FLT4: variants seen among roughly 807,000 people sequenced by gnomAD.
The protein encoded by FLT4 is vascular endothelial growth factor receptor 3.
A neutral mutation model predicts 163.2 loss-of-function variants in FLT4; 30 were observed. That is an observed-to-expected ratio of 0.18 (90% confidence interval 0.14 to 0.25). The LOEUF is 0.25. Ranked by LOEUF, FLT4 falls within the 10% of genes least tolerant of loss-of-function variation. FLT4 has a pLI of 1.00. For synonymous variants in FLT4, 884 were observed against 789.5 expected (o/e 1.12, Z -2.01); for missense variants, 1,510 against 1,863.8 (o/e 0.81, Z 3.50).
intron 29 of FLT4, chr5:180,608,126 C>A (rs1189297425): frequency 2.9e-6 from 2 of 700,472 alleles, no homozygotes; most frequent in Non-Finnish European, 5.2e-6. Context: ...CACTCCTTGT[C>A]CACTTTCATG....
intron 1 of FLT4, among the ~76,000 whole-genome samples, chr5:180,643,747 C>T (rs760451475): frequency 2.0e-5 from 3 of 152,114 alleles, no homozygotes; most frequent in Non-Finnish European, 2.9e-5. Context: ...CAGCGTCTCA[C>T]ACCGAGGCTC....
At chr5:180,608,545 C>T (rs1270000704) in intron 29 of FLT4, among the ~76,000 whole-genome samples, 1 of 152,176 alleles carries the variant, frequency 6.6e-6, no homozygotes, top group African/African-American at 2.4e-5. Flanking sequence ...CCCGCTAAGC[C>T]CCACAGGGCC....
chr5:180,611,938 G>C (rs1039682295), intron 26 of FLT4, among the ~76,000 whole-genome samples: 1 of 152,104 alleles, frequency 6.6e-6, no homozygotes, highest in Non-Finnish European at 1.5e-5. Context: ...CAGGAACTGG[G>C]GCCAGCACTC....
chr5:180,623,946 C>G lies in FLT4; in HGVS notation c.1537G>C (p.Gly513Arg). 1 of 1,613,628 alleles carries G rather than the reference C, an allele frequency of 6.2e-7. No homozygotes were observed. Among genetic ancestry groups the G allele is most frequent in the Middle Eastern group, 1.6e-4 (1 of 6,062 alleles). Reference protein sequence around the residue: ...SLDTWTEFVEGKNKTVSKLVI... With the variant: ...SLDTWTEFVERKNKTVSKLVI... ...CGGCTGGCCTGTACCTTATTCTTTC[C>G]CTCCACAAACTCGGTCCAGGTGTCC... is the stretch of plus-strand genomic sequence containing the variant. Residue 513 changes from glycine (G) to arginine (R), a missense_variant, in exon 11 of 30, where the codon GGA becomes CGA. Gly to Arg is a moderately radical substitution (Grantham distance 125). This residue lies in a region of FLT4 where 878 missense variants were observed against 1,016.7 expected (regional missense o/e 0.86). Coordinates refer to ENST00000261937, the MANE Select transcript of FLT4 (RefSeq NM_182925.5). The surrounding 1 kb of genome is among the most constrained non-coding windows in gnomAD (Gnocchi z 5.8).
Position 180,623,223 on chromosome 5 carries a change from G to C in FLT4, c.1549-384C>G, listed in dbSNP as rs1763310681. Among the ~76,000 whole-genome samples the C allele has an allele frequency of 6.6e-6, 1 of 152,160 alleles. No individual in the cohort carries two copies. ...TCACAGCAAAAGCCAGTCACTTCTG[G>C]ATGGGGTCAGGCCCAATCCAGTCGC... On this transcript the variant is annotated intron_variant, in intron 11 of 29. Transcript: ENST00000261937. The surrounding 1 kb of genome is among the most constrained non-coding windows in gnomAD (Gnocchi z 5.8).
chr5:180,623,900 C>A lies in FLT4; in HGVS notation c.1548+35G>T. 6 of 1,612,840 alleles carry A rather than the reference C, an allele frequency of 3.7e-6. No individual in the cohort carries two copies. Among genetic ancestry groups the A allele is most frequent in the Non-Finnish European group, 5.1e-6 (6 of 1,179,548 alleles). On this transcript the variant is annotated intron_variant, in intron 11 of 29. Transcript: ENST00000261937. The surrounding 1 kb of genome is among the most constrained non-coding windows in gnomAD (Gnocchi z 5.8). ...GGCCTCTCTCTCCTCCCTTCTCCTTCTCCCTGGGCACTCAGCAGCGCGGCT... is the reference window on the plus strand; with the variant it reads ...GGCCTCTCTCTCCTCCCTTCTCCTTATCCCTGGGCACTCAGCAGCGCGGCT...
intron 1 of FLT4, among the ~76,000 whole-genome samples, chr5:180,638,941 C>A (rs1764887111): frequency 6.7e-6 from 1 of 149,802 alleles, no homozygotes; most frequent in Admixed American, 6.9e-5. Flanking sequence ...ATGCTTCCCA[C>A]AGCACCTGGC....
In FLT4 at chr5:180,621,669, C is replaced by T. The variant is rs1342889809; in HGVS notation, c.1893G>A (p.Ala631=). 1.2e-6 allele frequency: 2 copies of T among 1,610,112 alleles called. No homozygotes were observed. Among genetic ancestry groups the T allele is most frequent in the East Asian group, 2.2e-5 (1 of 44,798 alleles). The change falls in exon 13 of 30, where the codon GCG becomes GCA. Residue 631 remains alanine, a synonymous_variant. Coordinates refer to ENST00000261937, the MANE Select transcript of FLT4 (RefSeq NM_182925.5). ...TACTCAGGCTGAGCGTGGCGTGGCG[C>T]GCCCCAGGTGCCACCTCCTCCAGGC... The part of the protein sequence containing the change: ...AASLEEVAPG[A]RHATLSLSIP...
chr5:180,602,555 G>C lies in FLT4; in HGVS notation c.*637C>G. ...TCAACACCCAGGCGCAGGTGTGCGG[G>C]CTGCCTCTGTGTTGCCAGCGTATAA... On this transcript the variant is annotated 3_prime_UTR_variant, in exon 30 of 30. Coordinates refer to ENST00000261937, the MANE Select transcript of FLT4 (RefSeq NM_182925.5). 2.5e-6 allele frequency: 1 copy of C among 400,016 alleles called. No homozygotes were observed. Among genetic ancestry groups the C allele is most frequent in the Non-Finnish European group, 4.4e-6 (1 of 226,936 alleles). The allele number at this position is 400,016 out of a possible 1,614,324, so 24.8% of individuals were successfully genotyped here.
chr5:180,626,910 G>A (rs1456256569), intron 8 of FLT4, among the ~76,000 whole-genome samples: 1 of 152,248 alleles, frequency 6.6e-6, no homozygotes, highest in Non-Finnish European at 1.5e-5. Context: ...CTTCATTTGG[G>A]TGGGGGCGTG....
intron 1 of FLT4, among the ~76,000 whole-genome samples, chr5:180,632,919 G>A (rs1051307931): frequency 3.9e-5 from 6 of 152,052 alleles, no homozygotes; most frequent in African/African-American, 1.2e-4. Context: ...TGCATGGCCA[G>A]AGGCCCAGGG....
chr5:180,630,881 C>T lies in FLT4; in HGVS notation c.156-82G>A, dbSNP rs2127839680. ...CTGAGAAGCCTCCCTCAGGCCGAGC[C>T]TCACCAGGTTTGTCTTACCCAGAGC... On this transcript the variant is annotated intron_variant, in intron 2 of 29. Transcript: ENST00000261937. The surrounding 1 kb of genome is among the most constrained non-coding windows in gnomAD (Gnocchi z 6.3). 1.4e-6 allele frequency: 2 copies of T among 1,474,204 alleles called. No individual in the cohort carries two copies. The highest frequency in any genetic ancestry group is 4.9e-5 in the East Asian group (2 of 41,110). The allele number at this position is 1,474,204 out of a possible 1,614,324, so 91.3% of individuals were successfully genotyped here. A position where few individuals can be genotyped will look rare whatever the true frequency, so the allele number is the denominator to read the frequency against.
chr5:180,619,115 G>A lies in FLT4; in HGVS notation c.2762-6C>T. On this transcript the variant is annotated splice_polypyrimidine_tract_variant and splice_region_variant and intron_variant, in intron 19 of 29. Coordinates refer to ENST00000261937, the MANE Select transcript of FLT4 (RefSeq NM_182925.5). Reference sequence around the variant, plus strand: ...CACGATCACCATGAGGGGGCCTGCGGCGGGACCGGGCGGCGGCCGTGCGTT... The same window carrying A: ...CACGATCACCATGAGGGGGCCTGCGACGGGACCGGGCGGCGGCCGTGCGTT... The A allele has an allele frequency of 6.6e-7, 1 of 1,506,618 alleles. No individual in the cohort carries two copies. 93.3% of individuals were successfully genotyped at this position (1,506,618 alleles called of 1,614,324 possible).
intron 21 of FLT4, among the ~76,000 whole-genome samples, 173 bp downstream of exon 21, chr5:180,618,597 C>T (rs1156278215): frequency 6.6e-6 from 1 of 152,208 alleles, no homozygotes; most frequent in Non-Finnish European, 1.5e-5. Flanking sequence ...CCCAGTCAAT[C>T]GTAAAACATC....
intron 17 of FLT4, 36 bp from the exon 18 acceptor site, chr5:180,619,805 A>AC: frequency 6.6e-7 from 1 of 1,519,740 alleles, no homozygotes; most frequent in Non-Finnish European, 9.1e-7. Context: ...GGTGAGCTGT[A>AC]CGGGGTGAGC....
rs776391002 is a variant in FLT4, at chr5:180,613,085, C to T, written c.3357G>A (p.Gln1119=). The change falls in exon 25 of 30, where the codon CAG becomes CAA. Residue 1119 remains glutamine, a synonymous_variant. Transcript: ENST00000261937. Reference sequence around the variant, plus strand: ...GCCGCTGGCAGAACTCCTCATTGATCTGCACCCCAGGGTACGGGGAGGCCC... The same window carrying T: ...GCCGCTGGCAGAACTCCTCATTGATTTGCACCCCAGGGTACGGGGAGGCCC... ...SLGASPYPGV[Q]INEEFCQRLR... is the part of the protein sequence containing the mutation. 4 of 1,613,568 alleles carry T rather than the reference C, an allele frequency of 2.5e-6. No homozygotes were observed. Among genetic ancestry groups the T allele is most frequent in the African/African-American group, 1.3e-5 (1 of 74,926 alleles).
At position 180,602,507 on chromosome 5, in the gene FLT4, G is replaced by A; in HGVS notation, c.*685C>T. The A allele has an allele frequency of 2.5e-6, 1 of 398,834 alleles. No individual in the cohort carries two copies. The highest frequency in any genetic ancestry group is 4.4e-6 in the Non-Finnish European group (1 of 226,608). The allele number at this position is 398,834 out of a possible 1,614,324, so 24.7% of individuals were successfully genotyped here. A position where few individuals can be genotyped will look rare whatever the true frequency, so the allele number is the denominator to read the frequency against. On this transcript the variant is annotated 3_prime_UTR_variant, in exon 30 of 30. Transcript: ENST00000261937. Reference sequence around the variant, plus strand: ...CTCTAACAGTCTGTGAAGTTCTGTTGAAAAAGACTTGCAGGATGGCTCTCA... The same window carrying A: ...CTCTAACAGTCTGTGAAGTTCTGTTAAAAAAGACTTGCAGGATGGCTCTCA...
In FLT4 at chr5:180,626,123, G is replaced by T; in HGVS notation, c.1246C>A (p.Leu416Met). 6.2e-7 allele frequency: 1 copy of T among 1,612,844 alleles called. No homozygotes were observed. The highest frequency in any genetic ancestry group is 8.5e-7 in the Non-Finnish European group (1 of 1,180,008). ...GTCCCTGACCTACCATTCACCACCA[G>T]CTCCAGGCTGATGTTGCGCCTCAGG... ...AGLRRNISLE[L>M]VVNVPPQIHE... Residue 416 changes from leucine to methionine, a missense_variant, in exon 9 of 30, where the codon CTG becomes ATG. By Grantham distance (15) the Leu-to-Met change is conservative. Around this residue, in one of 5 missense-constraint regions of FLT4, gnomAD observed 878 missense variants for 1,016.7 expected, o/e 0.86. Transcript: ENST00000261937.
Position 180,626,120 on chromosome 5 carries a change from C to A in FLT4, c.1249G>T (p.Val417Leu). 6.2e-7 allele frequency: 1 copy of A among 1,612,880 alleles called. No individual in the cohort carries two copies. The highest frequency in any genetic ancestry group is 8.5e-7 in the Non-Finnish European group (1 of 1,180,018). Residue 417 changes from valine (V) to leucine (L), a missense_variant, in exon 9 of 30, where the codon GTG becomes TTG. Physicochemically the swap from Val to Leu is conservative, Grantham distance 32. Around this residue, in one of 5 missense-constraint regions of FLT4, gnomAD observed 878 missense variants for 1,016.7 expected, o/e 0.86. Transcript: ENST00000261937. ...CCCGTCCCTGACCTACCATTCACCA[C>A]CAGCTCCAGGCTGATGTTGCGCCTC... ...GLRRNISLEL[V>L]VNVPPQIHEK...
Sources: allele counts gnomAD v4.1 joint callset (sites outside exome capture counted in the v4.1 genomes callset), GRCh38; gene constraint gnomAD v4.1.1; regional missense constraint gnomAD v4.1.1; non-coding constraint Gnocchi (gnomAD v3.1); transcripts MANE v1.5; gene names NCBI Gene and HGNC (gene_info 2026-07-23, HGNC 2026-07-21).